ARHGEF6: variants seen among roughly 807,000 people sequenced by gnomAD.
ARHGEF6 encodes the protein rho guanine nucleotide exchange factor 6.
A neutral mutation model predicts 70.3 loss-of-function variants in ARHGEF6; 9 were observed. The ratio of observed to expected loss-of-function variants is 0.13; its 90% CI spans 0.08 to 0.22. ARHGEF6 has a LOEUF of 0.22. ARHGEF6 is among the 10% of genes least tolerant of loss of function. ARHGEF6 has a pLI of 1.00. For synonymous variants in ARHGEF6, 201 were observed against 207.8 expected (o/e 0.97, Z 0.28); for missense variants, 470 against 563.0 (o/e 0.83, Z 1.67).
At chrX:136,720,117 A>G (rs2076780538) in intron 6 of ARHGEF6, among the ~76,000 whole-genome samples, 1 of 112,333 alleles carries the variant, frequency 8.9e-6, no homozygotes, top group Non-Finnish European at 1.9e-5. Flanking sequence ...AGAAGCAGAG[A>G]GAATACATAC....
intron 6 of ARHGEF6, among the ~76,000 whole-genome samples, chrX:136,723,444 T>C (rs1193177237): frequency 8.9e-6 from 1 of 112,184 alleles, no homozygotes; most frequent in African/African-American, 3.2e-5. Flanking sequence ...TTGTTCATCA[T>C]GATAGCTCTT....
At chrX:136,743,929 T>G (rs1427667151) in intron 4 of ARHGEF6, 143 bp from the exon 5 acceptor site, 2 of 536,376 alleles carry the variant, frequency 3.7e-6, no homozygotes, top group East Asian at 3.6e-5. Context: ...AACTTAGGAA[T>G]CCATGAATGG....
In ARHGEF6 at chrX:136,666,019, CA is replaced by C. The variant is rs2076158716; in HGVS notation, c.*2009del. 4.4e-5 allele frequency: 5 copies of C among 112,794 alleles called. No individual in the cohort carries two copies. In the Admixed American group the frequency reaches 4.7e-4, roughly 11 times the overall value. 9.3% of individuals were successfully genotyped at this position (112,794 alleles called of 1,213,427 possible). ...TTTATTGCAAGCCATTGACTAACCACAGAATGGGCAGATGTGAAGATCTGTG... is the reference window on the plus strand; with the variant it reads ...TTTATTGCAAGCCATTGACTAACCACGAATGGGCAGATGTGAAGATCTGTG... On this transcript the variant is annotated 3_prime_UTR_variant, in exon 22 of 22. Transcript: ENST00000250617.
chrX:136,713,517 C>T (rs1031527426), intron 6 of ARHGEF6, 147 bp from the exon 7 acceptor site: 1 of 461,041 alleles, frequency 2.2e-6, no homozygotes, highest in African/African-American at 2.4e-5. Flanking sequence ...AATCTGAATG[C>T]ATTTTCTTTC....
At position 136,669,529 on chromosome X, in the gene ARHGEF6, C is replaced by A. The variant is rs1280860536; in HGVS notation, c.2143G>T (p.Val715Phe). Residue 715 changes from valine to phenylalanine, a missense_variant, in exon 21 of 22, where the codon GTT becomes TTT. Val to Phe is a conservative substitution (Grantham distance 50). Coordinates refer to ENST00000250617, the MANE Select transcript of ARHGEF6 (RefSeq NM_004840.3). ...GQTIMEEKSLVDTVYALKDEV... is the reference protein window; with the variant it reads ...GQTIMEEKSLFDTVYALKDEV... ...TCCTTCAAGGCGTAAACAGTATCAA[C>A]AAGGCTCCTAGAAAATAAAGATAAA... The A allele has an allele frequency of 8.3e-7, 1 of 1,205,782 alleles. No homozygotes were observed.
At chrX:136,686,625 CATATAT>C (rs796276387) in intron 11 of ARHGEF6, among the ~76,000 whole-genome samples, 22 of 54,988 alleles carry the variant, frequency 4.0e-4, no homozygotes, top group African/African-American at 2.1e-3. Context: ...TATATATACA[CATATAT>C]ATATATATAT....
intron 9 of ARHGEF6, among the ~76,000 whole-genome samples, chrX:136,695,274 A>T (rs2076498880): frequency 8.9e-6 from 1 of 112,265 alleles, no homozygotes; most frequent in Non-Finnish European, 1.9e-5. Flanking sequence ...ATAAACCAGT[A>T]AGATAAAAAT....
intron 2 of ARHGEF6, among the ~76,000 whole-genome samples, chrX:136,761,348 C>CAATCTCTG (rs1390338979): frequency 8.9e-6 from 1 of 112,078 alleles, no homozygotes; most frequent in Non-Finnish European, 1.9e-5. Flanking sequence ...TTAAAAGTTC[C>CAATCTCTG]AATCTCTGTT....
At chrX:136,771,779 G>A (rs1369456914) in intron 2 of ARHGEF6, among the ~76,000 whole-genome samples, 1 of 111,786 alleles carries the variant, frequency 8.9e-6, no homozygotes, top group Non-Finnish European at 1.9e-5. Context: ...AGAGGATGTG[G>A]AGAAAAGGGA....
At position 136,668,079 on chromosome X, in the gene ARHGEF6, C is replaced by T; in HGVS notation, c.2281G>A (p.Asp761Asn). Residue 761 changes from aspartate to asparagine, a missense_variant, in exon 22 of 22, where the codon GAT becomes AAT. Around this residue, in one of 3 missense-constraint regions of ARHGEF6, gnomAD observed 88 missense variants for 95.5 expected, o/e 0.92. Transcript: ENST00000250617. ...KLVRRLLKQT[D>N]ECIRGESSSK... ...CTGGACTCGCCTCGAATACACTCAT[C>T]TGTTTGCTTCAAAAGCCTCCGCACC... 8.3e-7 allele frequency: 1 copy of T among 1,212,015 alleles called. No homozygotes were observed. Among genetic ancestry groups the T allele is most frequent in the Non-Finnish European group, 1.1e-6 (1 of 895,570 alleles).
Position 136,729,829 on chromosome X carries a change from C to CA in ARHGEF6, c.732+2272dup, listed in dbSNP as rs1388407684. ...AGGGCGACAGAGTGAGACTCCATGT[C>CA]AAAAAAAAAAAAATCTTTATGAAAA... is the stretch of plus-strand genomic sequence containing the variant. On this transcript the variant is annotated intron_variant, in intron 6 of 21. Coordinates refer to ENST00000250617, the MANE Select transcript of ARHGEF6 (RefSeq NM_004840.3). Among the ~76,000 whole-genome samples the CA allele has an allele frequency of 1.5e-3, 123 of 83,832 alleles. 1 individual carries two copies. Among genetic ancestry groups the CA allele is most frequent in the South Asian group, 4.8e-3 (9 of 1,887 alleles). The allele number at this position is 83,832 out of a possible 115,157, so 72.8% of individuals were successfully genotyped here. A position where few individuals can be genotyped will look rare whatever the true frequency, so the allele number is the denominator to read the frequency against.
In ARHGEF6 at chrX:136,685,673, T is replaced by C. The variant is rs1351108035; in HGVS notation, c.1392+4A>G. The C allele has an allele frequency of 8.3e-7, 1 of 1,206,249 alleles. No homozygotes were observed. Among genetic ancestry groups the C allele is most frequent in the Non-Finnish European group, 1.1e-6 (1 of 892,025 alleles). ...AAATAATGTTGAGATTTGAAATACC[T>C]TACCTCACATGCTCCATACTGCACC... On this transcript the variant is annotated splice_donor_region_variant and intron_variant, in intron 12 of 21. Transcript: ENST00000250617.
At chrX:136,694,710 AAG>A (rs1245721631) in intron 9 of ARHGEF6, among the ~76,000 whole-genome samples, 2 of 111,689 alleles carry the variant, frequency 1.8e-5, no homozygotes, top group Non-Finnish European at 1.9e-5. Context: ...ATTTTTGTAA[AAG>A]AGAGGTTATT....
intron 2 of ARHGEF6, among the ~76,000 whole-genome samples, chrX:136,762,063 C>T (rs1353972883): frequency 9.0e-6 from 1 of 110,956 alleles, no homozygotes; most frequent in Non-Finnish European, 1.9e-5. Flanking sequence ...TACAGGCACC[C>T]GCCATCATGC....
At chrX:136,754,590 A>C (rs1486544302) in intron 2 of ARHGEF6, among the ~76,000 whole-genome samples, 2 of 101,032 alleles carry the variant, frequency 2.0e-5, no homozygotes, top group African/African-American at 7.4e-5. Context: ...CTCAAAAAAA[A>C]AAAAAACAAC....
intron 9 of ARHGEF6, among the ~76,000 whole-genome samples, chrX:136,698,224 G>A (rs1423276097): frequency 9.0e-6 from 1 of 111,151 alleles, no homozygotes; most frequent in Non-Finnish European, 1.9e-5. Context: ...ATATAAAAAG[G>A]AGAAAAAAGA....
chrX:136,768,650 C>T (rs1462618320), intron 2 of ARHGEF6: 1 of 112,389 alleles, frequency 8.9e-6, no homozygotes, highest in Non-Finnish European at 1.9e-5. Flanking sequence ...CTGCTGATAC[C>T]CGTTACAACT....
At chrX:136,670,464 C>T (rs978164756) in intron 20 of ARHGEF6, among the ~76,000 whole-genome samples, 1 of 111,582 alleles carries the variant, frequency 9.0e-6, no homozygotes, top group African/African-American at 3.3e-5. Flanking sequence ...AGAGCCCACG[C>T]ATGCAGAGGG....
intron 9 of ARHGEF6, among the ~76,000 whole-genome samples, chrX:136,697,003 A>C (rs1262862653): frequency 1.8e-5 from 2 of 111,336 alleles, no homozygotes; most frequent in Non-Finnish European, 3.8e-5. Flanking sequence ...GCCCCGACAC[A>C]GGCTGGAGAG....
Sources: allele counts gnomAD v4.1 joint callset (sites outside exome capture counted in the v4.1 genomes callset), GRCh38; gene constraint gnomAD v4.1.1; regional missense constraint gnomAD v4.1.1; transcripts MANE v1.5; gene names NCBI Gene and HGNC (gene_info 2026-07-23, HGNC 2026-07-21).